RCOR1: variants seen among roughly 807,000 people sequenced by gnomAD.
The protein encoded by RCOR1 is REST corepressor 1.
RCOR1 carries 12 observed loss-of-function variants against 64.0 expected under a neutral mutation model. The ratio of observed to expected loss-of-function variants is 0.19; its 90% CI spans 0.12 to 0.30. RCOR1 has a LOEUF of 0.30. Among genes scored for constraint, RCOR1 ranks in the 10% least tolerant of loss-of-function variants. RCOR1 has a pLI of 1.00. For synonymous variants in RCOR1, 279 were observed against 227.2 expected, an observed-to-expected ratio of 1.23 and a Z score of -2.05; for missense variants, 502 against 621.2, an observed-to-expected ratio of 0.81 and a Z score of 2.04.
intron 2 of RCOR1, among the ~76,000 whole-genome samples, chr14:102,632,713 CT>C (rs1894147952): frequency 1.1e-5 from 1 of 87,694 alleles, no homozygotes; most frequent in African/African-American, 5.3e-5. Flanking sequence ...TTTCCTTTTC[CT>C]TTCCTTTCCT....
At chr14:102,621,677 C>T (rs535676845) in intron 2 of RCOR1, among the ~76,000 whole-genome samples, 4 of 149,854 alleles carry the variant, frequency 2.7e-5, no homozygotes, top group African/African-American at 7.3e-5. Flanking sequence ...GTAGACATTG[C>T]TCAGTACATA....
chr14:102,602,807 G>A (rs376135870), intron 2 of RCOR1, among the ~76,000 whole-genome samples: 1 of 151,632 alleles, frequency 6.6e-6, no homozygotes, highest in Non-Finnish European at 1.5e-5. Context: ...CAGGGCTCAA[G>A]TGATCCTCCT....
chr14:102,718,459 C>A (rs375452962), intron 8 of RCOR1, among the ~76,000 whole-genome samples: 1 of 152,072 alleles, frequency 6.6e-6, no homozygotes, highest in East Asian at 1.9e-4. Context: ...TTAAATTAGC[C>A]AGTGAACAGT....
chr14:102,654,420 C>T (rs1894679766), intron 2 of RCOR1, among the ~76,000 whole-genome samples: 2 of 152,084 alleles, frequency 1.3e-5, no homozygotes, highest in Admixed American at 1.3e-4. Flanking sequence ...CTAATTTGAG[C>T]TTGTCATTTA....
intron 4 of RCOR1, among the ~76,000 whole-genome samples, chr14:102,703,002 C>A (rs1451503695): frequency 6.6e-6 from 1 of 151,968 alleles, no homozygotes; most frequent in Non-Finnish European, 1.5e-5. Context: ...GATGTATGAA[C>A]AAATGGAAAT....
At chr14:102,671,721 T>C (rs1254601208) in intron 2 of RCOR1, among the ~76,000 whole-genome samples, 1 of 152,228 alleles carries the variant, frequency 6.6e-6, no homozygotes, top group Non-Finnish European at 1.5e-5. Flanking sequence ...AGTTCACTTA[T>C]TTAAAATATG....
chr14:102,639,854 T>A (rs1461677539), intron 2 of RCOR1, among the ~76,000 whole-genome samples: 2 of 148,952 alleles, frequency 1.3e-5, no homozygotes, highest in East Asian at 3.9e-4. Context: ...ATTCATTCAT[T>A]CATTCATTCA....
At position 102,726,559 on chromosome 14, in the gene RCOR1, C is replaced by T; in HGVS notation, c.*53C>T. ...TGGACTACTGTGTTATCCGGGATAT[C>T]AGGTATTATGAGACATCACCTAGCC... On this transcript the variant is annotated 3_prime_UTR_variant, in exon 12 of 12. Transcript: ENST00000262241. 6.8e-7 allele frequency: 1 copy of T among 1,481,144 alleles called. No homozygotes were observed. Among genetic ancestry groups the T allele is most frequent in the Non-Finnish European group, 9.3e-7 (1 of 1,078,430 alleles). The allele number at this position is 1,481,144 out of a possible 1,614,324, so 91.8% of individuals were successfully genotyped here.
chr14:102,685,848 G>C, intron 3 of RCOR1, among the ~76,000 whole-genome samples: 1 of 152,026 alleles, frequency 6.6e-6, no homozygotes, highest in East Asian at 1.9e-4. Context: ...TGTAGTCCCA[G>C]CACTTGGAGG....
At chr14:102,620,247 A>C (rs1264642622) in intron 2 of RCOR1, among the ~76,000 whole-genome samples, 3 of 150,530 alleles carry the variant, frequency 2.0e-5, no homozygotes, top group Non-Finnish European at 4.4e-5. Flanking sequence ...ACACACACAC[A>C]CACACCCCCC....
At chr14:102,707,630 C>G (rs535690691) in intron 5 of RCOR1, 118 bp downstream of exon 5, 2 of 906,990 alleles carry the variant, frequency 2.2e-6, no homozygotes, top group African/African-American at 3.4e-5. Context: ...TGATAAAGTT[C>G]CCCTTTAGAT....
At chr14:102,674,723 G>T (rs1895103917) in intron 2 of RCOR1, among the ~76,000 whole-genome samples, 1 of 152,094 alleles carries the variant, frequency 6.6e-6, no homozygotes, top group Non-Finnish European at 1.5e-5. Flanking sequence ...TTTCCTTGTA[G>T]ACCTAATTAT....
At chr14:102,596,785 G>C (rs1349477035) in intron 2 of RCOR1, among the ~76,000 whole-genome samples, 1 of 151,534 alleles carries the variant, frequency 6.6e-6, no homozygotes, top group Admixed American at 6.6e-5. Flanking sequence ...GGCTGGTCTC[G>C]AACTCTTTGC....
chr14:102,666,288 T>G (rs1894915656), intron 2 of RCOR1, among the ~76,000 whole-genome samples: 1 of 151,996 alleles, frequency 6.6e-6, no homozygotes, highest in Non-Finnish European at 1.5e-5. Flanking sequence ...ATGCCATGGG[T>G]TTTTTCCCTA....
Position 102,604,053 on chromosome 14 carries a change from C to G in RCOR1, c.361+10728C>G, listed in dbSNP as rs150909793. Among the ~76,000 whole-genome samples, 712 of 152,170 alleles carry G rather than the reference C, an allele frequency of 4.7e-3. 4 individuals are homozygous for G. Among genetic ancestry groups the G allele is most frequent in the South Asian group, 0.033 (159 of 4,824 alleles). On this transcript the variant is annotated intron_variant, in intron 2 of 11. Transcript: ENST00000262241. ...TACATTCCTGACTGGAGACTGTACTCAGAGATTGGTCTTGGTGTATACCCC... is the reference window on the plus strand; with the variant it reads ...TACATTCCTGACTGGAGACTGTACTGAGAGATTGGTCTTGGTGTATACCCC...
chr14:102,610,306 T>A (rs1595193331), intron 2 of RCOR1, among the ~76,000 whole-genome samples: 1 of 152,302 alleles, frequency 6.6e-6, no homozygotes, highest in East Asian at 1.9e-4. Flanking sequence ...TATCTAGAGC[T>A]GTGCTGTCCA....
chr14:102,643,588 G>T (rs1205650286), intron 2 of RCOR1, among the ~76,000 whole-genome samples: 1 of 152,300 alleles, frequency 6.6e-6, no homozygotes, highest in East Asian at 1.9e-4. Flanking sequence ...CCCAGGTGTG[G>T]TGTGGTTGGC....
At position 102,726,551 on chromosome 14, in the gene RCOR1, C is replaced by A; in HGVS notation, c.*45C>A. The A allele has an allele frequency of 6.6e-7, 1 of 1,514,284 alleles. No homozygotes were observed. The highest frequency in any genetic ancestry group is 9.0e-7 in the Non-Finnish European group (1 of 1,105,544). The allele number at this position is 1,514,284 out of a possible 1,614,324, so 93.8% of individuals were successfully genotyped here. A position where few individuals can be genotyped will look rare whatever the true frequency, so the allele number is the denominator to read the frequency against. On this transcript the variant is annotated 3_prime_UTR_variant, in exon 12 of 12. Transcript: ENST00000262241. ...ACTTGGTGTGGACTACTGTGTTATC[C>A]GGGATATCAGGTATTATGAGACATC...
chr14:102,683,795 G>T (rs1895354617), intron 3 of RCOR1, among the ~76,000 whole-genome samples: 1 of 152,246 alleles, frequency 6.6e-6, no homozygotes, highest in Admixed American at 6.5e-5. Flanking sequence ...CTTGCCACCA[G>T]CCCTTCCCAC....
Sources: allele counts gnomAD v4.1 joint callset (sites outside exome capture counted in the v4.1 genomes callset), GRCh38; gene constraint gnomAD v4.1.1; transcripts MANE v1.5; gene names NCBI Gene and HGNC (gene_info 2026-07-23, HGNC 2026-07-21).